Variants in ITSN1 observed in about 807,000 individuals in gnomAD.
ITSN1 encodes intersectin 1.
ITSN1 carries 58 observed loss-of-function variants against 239.8 expected under a neutral mutation model. The observed-to-expected ratio is 0.24, with a 90% CI of 0.20 to 0.30. The LOEUF (loss-of-function observed/expected upper bound fraction) is 0.30, where lower values mean the gene tolerates loss of function less well. Among genes scored for constraint, ITSN1 ranks in the 10% least tolerant of loss-of-function variants. The probability of loss-of-function intolerance (pLI) is 1.00; values close to 1 mark genes in which losing one functional copy is unlikely to be tolerated. For synonymous variants in ITSN1, 780 were observed against 770.8 expected, an observed-to-expected ratio of 1.01 and a Z score of -0.20; for missense variants, 1,558 against 2,103.3, an observed-to-expected ratio of 0.74 and a Z score of 5.07.
intron 16 of ITSN1, among the ~76,000 whole-genome samples, chr21:33,782,400 A>G (rs1166819999): frequency 2.0e-5 from 3 of 152,218 alleles, no homozygotes; most frequent in African/African-American, 7.2e-5. Flanking sequence ...AGTCACATCA[A>G]GTTGATTCCA....
At chr21:33,663,795 G>A (rs1180763214) in intron 1 of ITSN1, among the ~76,000 whole-genome samples, 1 of 152,130 alleles carries the variant, frequency 6.6e-6, no homozygotes, top group African/African-American at 2.4e-5. Context: ...GTAGAGACGG[G>A]GTTTCTCCGT....
At chr21:33,656,493 A>C (rs1446552729) in intron 1 of ITSN1, among the ~76,000 whole-genome samples, 1 of 152,206 alleles carries the variant, frequency 6.6e-6, no homozygotes, top group African/African-American at 2.4e-5. Context: ...GTGCATCTGT[A>C]TAGGGGGTGA....
At chr21:33,711,652 TTGTGTGTGTGTGTGTGTG>T (rs58696981) in intron 1 of ITSN1, among the ~76,000 whole-genome samples, 3 of 134,792 alleles carry the variant, frequency 2.2e-5, no homozygotes, top group African/African-American at 5.3e-5. Flanking sequence ...TTTCTGTGTG[TTGTGTGTGTGTGTGTGTG>T]TGTGTGTGTG....
chr21:33,710,910 A>T (rs368887553), intron 1 of ITSN1, among the ~76,000 whole-genome samples: 2 of 149,950 alleles, frequency 1.3e-5, no homozygotes, highest in East Asian at 3.9e-4. Context: ...GGTTCAAGTG[A>T]TTCTCCTGCC....
chr21:33,850,364 T>C (rs1009747987), intron 29 of ITSN1, among the ~76,000 whole-genome samples: 4 of 152,000 alleles, frequency 2.6e-5, no homozygotes, highest in South Asian at 2.1e-4. Flanking sequence ...CCCACGAGGG[T>C]CTCTGGTGCC....
chr21:33,895,363 G>A lies in ITSN1; in HGVS notation c.*7063G>A, dbSNP rs1253173744. 6.6e-6 allele frequency: 1 copy of A among 152,510 alleles called. No homozygotes were observed. The highest frequency in any genetic ancestry group is 1.9e-4 in the East Asian group (1 of 5,206). 9.4% of individuals were successfully genotyped at this position (152,510 alleles called of 1,614,324 possible). On this transcript the variant is annotated 3_prime_UTR_variant, in exon 40 of 40. Coordinates refer to ENST00000381318, the MANE Select transcript of ITSN1 (RefSeq NM_003024.3). ...ACTTTGACTTCTGGAATTTTAGGTG[G>A]AAGGGAATTTTTGTTGGTGGGACGC...
rs1222007193 is a variant in ITSN1, at chr21:33,811,103, G to A, written c.2448G>A (p.Val816=). Residue 816 remains valine (V), a synonymous_variant, in exon 21 of 40, where the codon GTG becomes GTA. Coordinates refer to ENST00000381318, the MANE Select transcript of ITSN1 (RefSeq NM_003024.3). The part of the protein sequence containing the change: ...ENEVPAPVKP[V]TDSTSAPAPK... ...AGGTTCCCGCTCCAGTGAAACCAGT[G>A]ACTGATTCAACATCTGCCCCTGCCC... The A allele has an allele frequency of 1.9e-6, 3 of 1,614,196 alleles. No homozygotes were observed. The highest frequency in any genetic ancestry group is 3.3e-5 in the Admixed American group (2 of 60,020).
Position 33,819,317 on chromosome 21 carries a change from G to A in ITSN1, c.3010G>A (p.Gly1004Arg), listed in dbSNP as rs764148741. Residue 1004 changes from glycine to arginine, a missense_variant, in exon 24 of 40, where the codon GGA (glycine) becomes AGA (arginine). Physicochemically the swap from Gly to Arg is moderately radical, Grantham distance 125. Around this residue, in one of 2 missense-constraint regions of ITSN1, gnomAD observed 982 missense variants for 1,209.9 expected, o/e 0.81. Coordinates refer to ENST00000381318, the MANE Select transcript of ITSN1 (RefSeq NM_003024.3). ...ASPAAKPVVS[G>R]EEFIAMYTYE... is the part of the protein sequence containing the mutation. ...TCCAGCAGCCAAGCCGGTCGTTTCGGGAGAAGGTGAGGGCCTGAGTTGTAT... is the reference window on the plus strand; with the variant it reads ...TCCAGCAGCCAAGCCGGTCGTTTCGAGAGAAGGTGAGGGCCTGAGTTGTAT... 6.2e-7 allele frequency: 1 copy of A among 1,613,724 alleles called. No homozygotes were observed. Among genetic ancestry groups the A allele is most frequent in the South Asian group, 1.1e-5 (1 of 91,076 alleles).
chr21:33,812,343 G>A (rs1025694585), intron 21 of ITSN1, among the ~76,000 whole-genome samples: 5 of 152,170 alleles, frequency 3.3e-5, no homozygotes, highest in Non-Finnish European at 7.3e-5. Flanking sequence ...ATGGTGTGCA[G>A]TTCTCTTGCT....
At chr21:33,731,486 C>A (rs2066181851) in intron 4 of ITSN1, among the ~76,000 whole-genome samples, 1 of 152,190 alleles carries the variant, frequency 6.6e-6, no homozygotes, top group South Asian at 2.1e-4. Context: ...ACTTAGTTTC[C>A]TTTATAAAAC....
chr21:33,867,214 T>A lies in ITSN1; in HGVS notation c.4075-19T>A. On this transcript the variant is annotated intron_variant, in intron 32 of 39. Transcript: ENST00000381318. ...ATTTTGCAAGTTTCTTAAGTACATT[T>A]AAAAACATCTCATTTCAGAGATTGG... 1 of 1,520,292 alleles carries A rather than the reference T, an allele frequency of 6.6e-7. No homozygotes were observed. The highest frequency in any genetic ancestry group is 2.3e-5 in the East Asian group (1 of 44,428). The allele number at this position is 1,520,292 out of a possible 1,614,324, so 94.2% of individuals were successfully genotyped here.
chr21:33,831,765 A>G (rs1459873872), intron 27 of ITSN1, among the ~76,000 whole-genome samples: 14 of 152,180 alleles, frequency 9.2e-5, no homozygotes, highest in African/African-American at 2.4e-5. Flanking sequence ...CACAACCTGG[A>G]GTGTAACTAA....
chr21:33,685,652 G>A (rs1004053977), intron 1 of ITSN1, among the ~76,000 whole-genome samples: 3 of 137,316 alleles, frequency 2.2e-5, no homozygotes, highest in East Asian at 2.1e-4. Flanking sequence ...TCTTTTTTTA[G>A]TACTCAAGAT....
chr21:33,722,814 G>C (rs1465735662), intron 4 of ITSN1, among the ~76,000 whole-genome samples, 163 bp downstream of exon 4: 1 of 152,166 alleles, frequency 6.6e-6, no homozygotes, highest in African/African-American at 2.4e-5. Context: ...TCTGAAAAGT[G>C]TCTTTCTCAT....
At chr21:33,849,964 C>T (rs1157287924) in intron 29 of ITSN1, among the ~76,000 whole-genome samples, 1 of 152,150 alleles carries the variant, frequency 6.6e-6, no homozygotes, top group Non-Finnish European at 1.5e-5. Context: ...AGCAGGAAGT[C>T]AGGGGTGGGA....
At chr21:33,739,098 A>G (rs1353568029) in intron 5 of ITSN1, among the ~76,000 whole-genome samples, 1 of 152,234 alleles carries the variant, frequency 6.6e-6, no homozygotes. Flanking sequence ...CAAGCCTCAG[A>G]TATTTTTTAA....
intron 1 of ITSN1, among the ~76,000 whole-genome samples, chr21:33,659,891 A>G (rs1462208619): frequency 1.3e-5 from 2 of 151,110 alleles, no homozygotes; most frequent in Non-Finnish European, 3.0e-5. Flanking sequence ...GGCTAATTTA[A>G]AAAAAAATTT....
chr21:33,853,364 C>T (rs905210985), intron 29 of ITSN1, among the ~76,000 whole-genome samples: 10 of 152,214 alleles, frequency 6.6e-5, no homozygotes, highest in African/African-American at 2.4e-4. Flanking sequence ...GCCAACGCTA[C>T]CTGGAGCAGG....
At chr21:33,845,630 C>T (rs1309864568) in intron 29 of ITSN1, among the ~76,000 whole-genome samples, 3 of 152,172 alleles carry the variant, frequency 2.0e-5, no homozygotes, top group Non-Finnish European at 2.9e-5. Flanking sequence ...TCGTCACCTC[C>T]TCGAGGAAGC....
Sources: gnomAD v4.1 joint callset for allele counts (sites outside exome capture counted in the v4.1 genomes callset) on GRCh38, gnomAD v4.1.1 for gene constraint, gnomAD v4.1.1 regional missense constraint, MANE v1.5 for transcripts, NCBI Gene and HGNC (gene_info 2026-07-23, HGNC 2026-07-21) for gene names.